HHAT: variants seen among roughly 807,000 people sequenced by gnomAD.
HHAT encodes protein-cysteine N-palmitoyltransferase HHAT.
Under a neutral mutation model 70.8 loss-of-function variants are expected in HHAT, and 47 were observed. The observed-to-expected ratio is 0.66, with a 90% CI of 0.53 to 0.85. The LOEUF (loss-of-function observed/expected upper bound fraction) is 0.85, where lower values mean the gene tolerates loss of function less well. Among genes scored for constraint, HHAT ranks in the 40% least tolerant of loss-of-function variants. HHAT has a pLI of 0.00. For synonymous variants in HHAT, 228 were observed against 247.6 expected (o/e 0.92, Z 0.74); for missense variants, 609 against 604.8 (o/e 1.01, Z -0.07).
intron 8 of HHAT, among the ~76,000 whole-genome samples, chr1:210,495,489 C>T (rs1191106911): frequency 6.6e-6 from 1 of 152,024 alleles, no homozygotes; most frequent in Admixed American, 6.6e-5. Flanking sequence ...TTAATCCTTT[C>T]TTTACTCTCA....
intron 1 of HHAT, among the ~76,000 whole-genome samples, chr1:210,334,593 G>C (rs921731219): frequency 6.6e-6 from 1 of 152,076 alleles, no homozygotes; most frequent in African/African-American, 2.4e-5. Context: ...TACCTGCCCT[G>C]CTCCTTCTGT....
intron 7 of HHAT, among the ~76,000 whole-genome samples, chr1:210,424,221 G>C (rs762610640): frequency 6.6e-6 from 1 of 151,738 alleles, no homozygotes; most frequent in Non-Finnish European, 1.5e-5. Context: ...TATTTCTTTC[G>C]TCAGCGTTTT....
At chr1:210,440,387 A>C (rs1558520507) in intron 7 of HHAT, among the ~76,000 whole-genome samples, 1 of 151,412 alleles carries the variant, frequency 6.6e-6, no homozygotes, top group Non-Finnish European at 1.5e-5. Context: ...AATTCTTTGG[A>C]GTGGTCCCAA....
At chr1:210,375,096 C>G (rs758036319) in intron 3 of HHAT, among the ~76,000 whole-genome samples, 1 of 151,502 alleles carries the variant, frequency 6.6e-6, no homozygotes. Flanking sequence ...TTTGCAAGCA[C>G]TTACTTGTGT....
chr1:210,567,130 C>G (rs945134063), intron 9 of HHAT, among the ~76,000 whole-genome samples: 1 of 152,208 alleles, frequency 6.6e-6, no homozygotes, highest in African/African-American at 2.4e-5. Flanking sequence ...GTTGCACATC[C>G]TGTGAGGGGT....
intron 2 of HHAT, among the ~76,000 whole-genome samples, chr1:210,356,211 C>T (rs2087603237): frequency 6.6e-6 from 1 of 151,952 alleles, no homozygotes; most frequent in African/African-American, 2.4e-5. Context: ...CTATGCCTGG[C>T]CTGTGAAAAT....
chr1:210,362,824 C>T (rs1478842905), intron 2 of HHAT, 28 bp from the exon 3 acceptor site: 15 of 1,597,170 alleles, frequency 9.4e-6, no homozygotes, highest in Non-Finnish European at 1.3e-5. Context: ...AGATTTGTGA[C>T]TAACGAAGAC....
chr1:210,609,878 T>C (rs1166868470), intron 10 of HHAT, among the ~76,000 whole-genome samples: 1 of 152,210 alleles, frequency 6.6e-6, no homozygotes, highest in African/African-American at 2.4e-5. Flanking sequence ...TTTCATGGTG[T>C]ATATATACCA....
intron 9 of HHAT, among the ~76,000 whole-genome samples, chr1:210,514,253 C>T (rs998742746): frequency 6.6e-6 from 1 of 152,218 alleles, no homozygotes; most frequent in African/African-American, 2.4e-5. Flanking sequence ...ATGAAATCTC[C>T]TCGGCCTCCC....
At position 210,466,999 on chromosome 1, in the gene HHAT, A is replaced by T. The variant is rs2094121384; in HGVS notation, c.1007+2344A>T. On this transcript the variant is annotated intron_variant, in intron 8 of 11. Transcript: ENST00000261458. Reference sequence around the variant, plus strand: ...AGCTCTGGGGTGACCCCTTGGAATGATGTCGTTCTAAAAAGAGGTGTTTCT... The same window carrying T: ...AGCTCTGGGGTGACCCCTTGGAATGTTGTCGTTCTAAAAAGAGGTGTTTCT... 2.6e-5 allele frequency among the ~76,000 whole-genome samples: 4 copies of T among 152,334 alleles called. No individual in the cohort carries two copies. The South Asian group carries it at 8.3e-4, about 32-fold the overall frequency.
intron 10 of HHAT, among the ~76,000 whole-genome samples, chr1:210,622,307 CTG>C (rs1458222807): frequency 6.6e-6 from 1 of 152,164 alleles, no homozygotes; most frequent in African/African-American, 2.4e-5. Context: ...CCCTCTTTCT[CTG>C]TGTCTGTGGA....
intron 5 of HHAT, among the ~76,000 whole-genome samples, chr1:210,401,555 A>G (rs986575484): frequency 1.3e-5 from 2 of 152,184 alleles, no homozygotes; most frequent in South Asian, 4.2e-4. Context: ...AGACTCAACC[A>G]CCTATCCATT....
intron 9 of HHAT, among the ~76,000 whole-genome samples, chr1:210,529,021 A>G (rs1160472213): frequency 1.3e-5 from 2 of 152,122 alleles, no homozygotes; most frequent in African/African-American, 4.8e-5. Context: ...TGTGGTGGCT[A>G]AGGCTGGGCG....
chr1:210,481,823 C>T (rs1221839978), intron 8 of HHAT, among the ~76,000 whole-genome samples: 1 of 152,150 alleles, frequency 6.6e-6, no homozygotes, highest in African/African-American at 2.4e-5. Context: ...GCATAGGCTT[C>T]ATTGAGAAGG....
At chr1:210,447,360 G>A (rs1380396725) in intron 7 of HHAT, among the ~76,000 whole-genome samples, 1 of 152,098 alleles carries the variant, frequency 6.6e-6, no homozygotes, top group African/African-American at 2.4e-5. Flanking sequence ...CCAAAGCTTG[G>A]AAAAAGGGAA....
In HHAT at chr1:210,643,631, A is replaced by G. The variant is rs1673400399; in HGVS notation, c.1390+19961A>G. ...GGAGATCATGATTTAGCACTGGTCA[A>G]TGAATCTTTTGCAGATTTTGTGTGA... On this transcript the variant is annotated intron_variant, in intron 11 of 11. Transcript: ENST00000261458. 2.0e-5 allele frequency among the ~76,000 whole-genome samples: 3 copies of G among 152,350 alleles called. No homozygotes were observed. The South Asian group carries it at 6.2e-4, about 32-fold the overall frequency.
intron 7 of HHAT, among the ~76,000 whole-genome samples, chr1:210,445,938 A>AT (rs1336440200): frequency 1.3e-5 from 2 of 151,560 alleles, no homozygotes; most frequent in Non-Finnish European, 2.9e-5. Context: ...GGTTAGTTAC[A>AT]TATGTATTCA....
At chr1:210,594,375 T>G (rs114599585) in intron 10 of HHAT, among the ~76,000 whole-genome samples, 3,733 of 152,324 alleles carry the variant, frequency 0.025, 163 homozygotes, top group African/African-American at 0.082. Context: ...TCACCCATTA[T>G]TTTAAACTGA....
intron 9 of HHAT, among the ~76,000 whole-genome samples, chr1:210,578,621 A>G (rs1322023699): frequency 1.3e-5 from 2 of 152,244 alleles, no homozygotes; most frequent in Non-Finnish European, 2.9e-5. Flanking sequence ...ATATACATAC[A>G]ATGTAATATT....
Sources: allele counts gnomAD v4.1 joint callset (sites outside exome capture counted in the v4.1 genomes callset), GRCh38; gene constraint gnomAD v4.1.1; transcripts MANE v1.5; gene names NCBI Gene and HGNC (gene_info 2026-07-23, HGNC 2026-07-21).